Variants in UST observed in about 807,000 individuals in gnomAD.
UST encodes the protein chondroitin sulfate 2-O-sulfotransferase.
In UST, 21 loss-of-function variants were observed where a neutral mutation model predicts 45.6. The ratio of observed to expected loss-of-function variants is 0.46; its 90% CI spans 0.33 to 0.66. The LOEUF (loss-of-function observed/expected upper bound fraction) is 0.66, where lower values mean the gene tolerates loss of function less well. Ranked by LOEUF, UST falls within the 30% of genes least tolerant of loss-of-function variation. The pLI is 0.02. For missense variants in UST, 463 were observed against 512.4 expected, an observed-to-expected ratio of 0.90 and a Z score of 0.93; for synonymous variants, 215 against 200.6, an observed-to-expected ratio of 1.07 and a Z score of -0.61.
In UST at chr6:148,813,965, CTG is replaced by C. The variant is rs1777310570; in HGVS notation, c.247+66290_247+66291del. On this transcript the variant is annotated intron_variant, in intron 1 of 7. Transcript: ENST00000367463. ...GCCATTTATATGAGATAAAATATAACTGTTTCATTTTCATGTCTGTAAAAATC... is the reference window on the plus strand; with the variant it reads ...GCCATTTATATGAGATAAAATATAACTTTCATTTTCATGTCTGTAAAAATC... Among the ~76,000 whole-genome samples the C allele has an allele frequency of 5.3e-5, 8 of 152,268 alleles. 1 individual carries two copies. The South Asian group carries it at 1.5e-3, about 28-fold the overall frequency.
At chr6:149,066,195 T>A (rs571201865) in intron 7 of UST, 1 of 151,020 alleles carries the variant, frequency 6.6e-6, no homozygotes, top group East Asian at 1.9e-4. Context: ...CCCTCTGAGC[T>A]ACCAACAAGG....
chr6:148,854,536 T>C (rs1355587844), intron 1 of UST, among the ~76,000 whole-genome samples: 1 of 152,254 alleles, frequency 6.6e-6, no homozygotes, highest in Non-Finnish European at 1.5e-5. Flanking sequence ...TCCTAGTTTT[T>C]CATTTTAGGA....
At chr6:149,050,581 TA>T (rs1776468836) in intron 7 of UST, among the ~76,000 whole-genome samples, 1 of 152,228 alleles carries the variant, frequency 6.6e-6, no homozygotes, top group Non-Finnish European at 1.5e-5. Flanking sequence ...TTCTGAGAGG[TA>T]AACACCAGCA....
rs34342100 is a variant in UST at position 148,748,399 on chromosome 6, TTGTGTGTGTGTGTGTGTGTGTG to T, written c.247+755_247+776del. On this transcript the variant is annotated intron_variant, in intron 1 of 7. Coordinates refer to ENST00000367463, the MANE Select transcript of UST (RefSeq NM_005715.3). The surrounding 1 kb of genome is among the most constrained non-coding windows in gnomAD (Gnocchi z 5.3). ...GTGCGTCTCAAGCTCAAGTCAAAAC[TTGTGTGTGTGTGTGTGTGTGTG>T]TGTGTGTGTGTGTGTGTGTGTGTGT... Among the ~76,000 whole-genome samples, 1,672 of 127,598 alleles carry T rather than the reference TTGTGTGTGTGTGTGTGTGTGTG, an allele frequency of 0.013. 17 individuals carry two copies. The highest frequency in any genetic ancestry group is 0.024 in the South Asian group (84 of 3,460). The allele number at this position is 127,598 out of a possible 152,430, so 83.7% of individuals were successfully genotyped here. A position where few individuals can be genotyped will look rare whatever the true frequency, so the allele number is the denominator to read the frequency against.
At chr6:148,804,275 G>C (rs762804083) in intron 1 of UST, among the ~76,000 whole-genome samples, 1 of 152,080 alleles carries the variant, frequency 6.6e-6, no homozygotes, top group African/African-American at 2.4e-5. Flanking sequence ...CTTCACATTC[G>C]GGAGTTTACA....
intron 7 of UST, among the ~76,000 whole-genome samples, chr6:149,047,626 G>C (rs1036906638): frequency 4.6e-5 from 7 of 152,094 alleles, no homozygotes; most frequent in Non-Finnish European, 1.0e-4. Context: ...TTCTAGCCCA[G>C]AATTTCTACT....
intron 1 of UST, among the ~76,000 whole-genome samples, chr6:148,846,461 G>A (rs1323596816): frequency 6.6e-6 from 1 of 151,906 alleles, no homozygotes. Context: ...TTGGGGGGAG[G>A]GGGGAAGGAT....
At position 149,073,659 on chromosome 6, in the gene UST, G is replaced by T. The variant is rs190380471; in HGVS notation, c.938-174G>T. Among the ~76,000 whole-genome samples the T allele has an allele frequency of 7.2e-5, 11 of 152,334 alleles. No individual in the cohort carries two copies. The South Asian group carries it at 1.7e-3, about 23-fold the overall frequency. On this transcript the variant is annotated intron_variant, in intron 7 of 7. Coordinates refer to ENST00000367463, the MANE Select transcript of UST (RefSeq NM_005715.3). ...CAACTCATGTTGACATTAACACCTA[G>T]AGTTGGTAAGTGTTTCCAAATATTG...
At chr6:148,900,321 G>A (rs1779224738) in intron 2 of UST, among the ~76,000 whole-genome samples, 1 of 152,098 alleles carries the variant, frequency 6.6e-6, no homozygotes, top group South Asian at 2.1e-4. Flanking sequence ...GTTTGGCTGT[G>A]TCCCCACCTA....
intron 7 of UST, among the ~76,000 whole-genome samples, chr6:149,055,592 G>A (rs1038625397): frequency 1.3e-5 from 2 of 151,986 alleles, no homozygotes; most frequent in African/African-American, 4.8e-5. Flanking sequence ...CAATCCTAAC[G>A]GAACCTAATG....
chr6:148,755,001 T>A (rs934559651), intron 1 of UST, among the ~76,000 whole-genome samples: 1 of 152,250 alleles, frequency 6.6e-6, no homozygotes, highest in South Asian at 2.1e-4. Context: ...ACACTTAACC[T>A]ATTTTAGAGA....
chr6:148,855,688 C>A (rs888938723), intron 1 of UST, among the ~76,000 whole-genome samples: 1 of 152,180 alleles, frequency 6.6e-6, no homozygotes, highest in African/African-American at 2.4e-5. Flanking sequence ...AGGTAGAAAT[C>A]TGCATTTTTT....
intron 2 of UST, among the ~76,000 whole-genome samples, chr6:148,927,071 C>T (rs909689329): frequency 2.0e-5 from 3 of 151,958 alleles, no homozygotes; most frequent in African/African-American, 2.4e-5. Flanking sequence ...ACTGCTGGAG[C>T]ATGGTAAGAA....
Position 148,946,813 on chromosome 6 carries a change from C to CAAAA in UST, c.447+5405_447+5408dup, listed in dbSNP as rs60990121. On this transcript the variant is annotated intron_variant, in intron 3 of 7. Transcript: ENST00000367463. Reference sequence around the variant, plus strand: ...TGGGCGACAGAGCGAGACTCCATCCCAAAAAAAAAAAAAAAAAAAAAAAAA... The same window carrying CAAAA: ...TGGGCGACAGAGCGAGACTCCATCCCAAAAAAAAAAAAAAAAAAAAAAAAAAAAA... 1.2e-4 allele frequency among the ~76,000 whole-genome samples: 7 copies of CAAAA among 56,856 alleles called. 1 individual carries two copies. The highest frequency in any genetic ancestry group is 5.0e-4 in the East Asian group (1 of 1,984). 37.3% of individuals were successfully genotyped at this position (56,856 alleles called of 152,430 possible).
chr6:148,763,009 G>C (rs999804325), intron 1 of UST, among the ~76,000 whole-genome samples: 1 of 152,162 alleles, frequency 6.6e-6, no homozygotes, highest in African/African-American at 2.4e-5. Context: ...TTTCCTTCCC[G>C]TAGATACCCA....
intron 1 of UST, among the ~76,000 whole-genome samples, chr6:148,818,650 A>G (rs1202671551): frequency 6.6e-6 from 1 of 152,236 alleles, no homozygotes; most frequent in Non-Finnish European, 1.5e-5. Flanking sequence ...TTAGGCTGGT[A>G]GCCAAGTTCA....
intron 2 of UST, among the ~76,000 whole-genome samples, chr6:148,892,302 A>G (rs1027387230): frequency 1.3e-5 from 2 of 152,174 alleles, no homozygotes; most frequent in South Asian, 2.1e-4. Context: ...TCTTTCTGTC[A>G]GTTATCTTCT....
rs1776862304 is a variant in UST, at chr6:149,074,434, C to CTT, written c.*319_*320dup. The CTT allele has an allele frequency of 3.1e-6, 1 of 320,762 alleles. No individual in the cohort carries two copies. Among genetic ancestry groups the CTT allele is most frequent in the Admixed American group, 4.5e-5 (1 of 22,126 alleles). 19.9% of individuals were successfully genotyped at this position (320,762 alleles called of 1,614,324 possible). A position where few individuals can be genotyped will look rare whatever the true frequency, so the allele number is the denominator to read the frequency against. On this transcript the variant is annotated 3_prime_UTR_variant, in exon 8 of 8. Transcript: ENST00000367463. The stretch of plus-strand genomic sequence containing the variant: ...AGAAATATAGCCCCTAGCCTAATAA[C>CTT]TTATCATTTGTAAAATGACTTATAA...
intron 2 of UST, among the ~76,000 whole-genome samples, chr6:148,902,532 C>T (rs1460680295): frequency 6.6e-6 from 1 of 151,868 alleles, no homozygotes. Context: ...TATTGCATCT[C>T]GCCTGGTTTT....
Sources: gnomAD v4.1 joint callset for allele counts (sites outside exome capture counted in the v4.1 genomes callset) on GRCh38, gnomAD v4.1.1 for gene constraint, Gnocchi (gnomAD v3.1) non-coding constraint, MANE v1.5 for transcripts, NCBI Gene and HGNC (gene_info 2026-07-23, HGNC 2026-07-21) for gene names.